The following FAM124B variants were observed in gnomAD, a reference collection of about 807,000 sequenced individuals.
The protein encoded by FAM124B is family with sequence similarity 124 member B, also known as protein FAM124B.
Under a neutral mutation model 19.7 loss-of-function variants are expected in FAM124B, and 18 were observed. The observed-to-expected ratio is 0.92, with a 90% CI of 0.63 to 1.36. The LOEUF (loss-of-function observed/expected upper bound fraction) is 1.36. FAM124B is among the 40% of genes most tolerant of loss of function. FAM124B has a pLI of 0.00. For synonymous variants in FAM124B, 223 were observed against 225.2 expected (o/e 0.99, Z 0.09); for missense variants, 540 against 553.3 (o/e 0.98, Z 0.24).
In FAM124B at chr2:224,401,672, C is replaced by A; in HGVS notation, c.97G>T (p.Asp33Tyr). 1 of 1,614,210 alleles carries A rather than the reference C, an allele frequency of 6.2e-7. No homozygotes were observed. Among genetic ancestry groups the A allele is most frequent in the Non-Finnish European group, 8.5e-7 (1 of 1,180,044 alleles). The change falls in exon 1 of 2, where the codon GAT becomes TAT. Residue 33 changes from aspartate to tyrosine, a missense_variant. By Grantham distance (160) the Asp-to-Tyr change is radical (BLOSUM62 -3). Transcript: ENST00000409685. ...LLQRTLDQLLDCICPEVRLFQ... is the reference protein window; with the variant it reads ...LLQRTLDQLLYCICPEVRLFQ... ...AGCCGGACCTCTGGGCAAATGCAAT[C>A]CAGGAGCTGGTCCAGAGTCCTCTGC...
intron 1 of FAM124B, among the ~76,000 whole-genome samples, chr2:224,389,734 T>C (rs1234842257): frequency 1.3e-5 from 2 of 152,084 alleles, no homozygotes; most frequent in African/African-American, 4.8e-5. Context: ...GGAAAGAGGC[T>C]AAAACCTCAA....
intron 1 of FAM124B, among the ~76,000 whole-genome samples, chr2:224,394,724 C>T (rs10170775): frequency 0.21 from 31,271 of 152,124 alleles, 3,345 homozygotes; most frequent in South Asian, 0.25. Context: ...CTCCTTTGAA[C>T]TCTCCAGCCC....
intron 1 of FAM124B, among the ~76,000 whole-genome samples, chr2:224,397,032 T>C (rs1186153975): frequency 2.0e-5 from 3 of 152,070 alleles, no homozygotes; most frequent in African/African-American, 7.3e-5. Flanking sequence ...GGATTTTCTT[T>C]TCTTTTCTTC....
Position 224,379,397 on chromosome 2 carries a change from A to G in FAM124B, c.*176T>C. On this transcript the variant is annotated 3_prime_UTR_variant, in exon 2 of 2. Transcript: ENST00000409685. ...CTTATGACTGTGACGGCAAATAAAC[A>G]ATCATTCCCAGCACCTTTAGACTTT... 1 of 926,258 alleles carries G rather than the reference A, an allele frequency of 1.1e-6. No individual in the cohort carries two copies. The highest frequency in any genetic ancestry group is 1.5e-6 in the Non-Finnish European group (1 of 652,276). 57.4% of individuals were successfully genotyped at this position (926,258 alleles called of 1,614,324 possible).
rs529852994 is a variant in FAM124B at position 224,401,949 on chromosome 2, C to G, written c.-181G>C. The stretch of plus-strand genomic sequence containing the variant: ...GTGCTCCTGGCCACCCGTGGACTTA[C>G]GGCAAGAGAAGCTCACACCAGCTCG... On this transcript the variant is annotated 5_prime_UTR_variant, in exon 1 of 2. Coordinates refer to ENST00000409685, the MANE Select transcript of FAM124B (RefSeq NM_001122779.2). 1 of 668,954 alleles carries G rather than the reference C, an allele frequency of 1.5e-6. No individual in the cohort carries two copies. Among genetic ancestry groups the G allele is most frequent in the East Asian group, 2.8e-5 (1 of 36,242 alleles). 41.4% of individuals were successfully genotyped at this position (668,954 alleles called of 1,614,324 possible).
chr2:224,392,797 C>T (rs1689909444), intron 1 of FAM124B, among the ~76,000 whole-genome samples: 1 of 146,694 alleles, frequency 6.8e-6, no homozygotes, highest in South Asian at 2.2e-4. Flanking sequence ...AAAGTTTTGT[C>T]ACCAACGAGG....
In FAM124B at chr2:224,383,270, T is replaced by C. The variant is rs183340296; in HGVS notation, c.733-3062A>G. On this transcript the variant is annotated intron_variant, in intron 1 of 1. Coordinates refer to ENST00000409685, the MANE Select transcript of FAM124B (RefSeq NM_001122779.2). ...CAGCGAAGTTTCGGAACTACTGCCA[T>C]GGACCCAGAAAAGCTAGGCTTCGAG... Among the ~76,000 whole-genome samples, 9 of 152,300 alleles carry C rather than the reference T, an allele frequency of 5.9e-5. No homozygotes were observed. In the East Asian group the frequency reaches 1.4e-3, roughly 23 times the overall value.
At chr2:224,396,868 C>T (rs1244309720) in intron 1 of FAM124B, among the ~76,000 whole-genome samples, 1 of 152,134 alleles carries the variant, frequency 6.6e-6, no homozygotes, top group Non-Finnish European at 1.5e-5. Context: ...AGCTGGCGAC[C>T]CTGGCGGATG....
At chr2:224,391,278 T>C (rs1318876551) in intron 1 of FAM124B, among the ~76,000 whole-genome samples, 2 of 149,022 alleles carry the variant, frequency 1.3e-5, no homozygotes, top group Non-Finnish European at 3.0e-5. Context: ...GAGGCGGAGG[T>C]TGCAATGAGC....
At chr2:224,395,863 A>G (rs947242446) in intron 1 of FAM124B, among the ~76,000 whole-genome samples, 1 of 152,214 alleles carries the variant, frequency 6.6e-6, no homozygotes, top group African/African-American at 2.4e-5. Flanking sequence ...TCACATGCAC[A>G]GATCACAATT....
At chr2:224,390,562 G>A (rs1317664549) in intron 1 of FAM124B, among the ~76,000 whole-genome samples, 1 of 151,906 alleles carries the variant, frequency 6.6e-6, no homozygotes, top group East Asian at 1.9e-4. Context: ...CAAACAAATG[G>A]GACAGCAAGG....
intron 1 of FAM124B, among the ~76,000 whole-genome samples, chr2:224,386,626 G>A (rs960646150): frequency 1.3e-5 from 2 of 152,094 alleles, no homozygotes; most frequent in African/African-American, 2.4e-5. Context: ...CTGAGTACTC[G>A]CCATGCCATT....
intron 1 of FAM124B, among the ~76,000 whole-genome samples, chr2:224,387,341 T>C (rs1188564691): frequency 2.0e-5 from 3 of 152,286 alleles, no homozygotes; most frequent in East Asian, 1.9e-4. Flanking sequence ...ATATACATCA[T>C]TGAAAAATGA....
At chr2:224,396,450 T>C (rs942299434) in intron 1 of FAM124B, among the ~76,000 whole-genome samples, 1 of 152,222 alleles carries the variant, frequency 6.6e-6, no homozygotes, top group African/African-American at 2.4e-5. Context: ...TCAGGTCTTC[T>C]GCACACACGC....
chr2:224,393,774 C>T (rs984980431), intron 1 of FAM124B, among the ~76,000 whole-genome samples: 3 of 152,182 alleles, frequency 2.0e-5, no homozygotes, highest in Middle Eastern at 3.2e-3. Flanking sequence ...ATTCTTCTGG[C>T]CTAGAATTCT....
chr2:224,400,930 G>C (rs1574578495), intron 1 of FAM124B, 107 bp downstream of exon 1: 2 of 1,398,610 alleles, frequency 1.4e-6, no homozygotes, highest in East Asian at 2.3e-5. Context: ...GACCCTAAGG[G>C]ACGCTAATAT....
intron 1 of FAM124B, among the ~76,000 whole-genome samples, chr2:224,396,666 A>G (rs1209395244): frequency 6.6e-6 from 1 of 152,254 alleles, no homozygotes; most frequent in Non-Finnish European, 1.5e-5. Context: ...ATCTAGGGGT[A>G]GAAGCCAGAG....
intron 1 of FAM124B, among the ~76,000 whole-genome samples, chr2:224,397,950 CTCTT>C (rs1385833542): frequency 6.6e-6 from 1 of 152,210 alleles, no homozygotes; most frequent in Non-Finnish European, 1.5e-5. Context: ...TGCACAAGCT[CTCTT>C]TGTCTGCCGC....
In FAM124B at chr2:224,401,475, G is replaced by T. The variant is rs776107943; in HGVS notation, c.294C>A (p.Pro98=). 11 of 1,614,008 alleles carry T rather than the reference G, an allele frequency of 6.8e-6. No individual in the cohort carries two copies. Among genetic ancestry groups the T allele is most frequent in the African/African-American group, 2.7e-5 (2 of 74,908 alleles). The stretch of plus-strand genomic sequence containing the variant: ...ACAGCCTTCCCCGAGTGTCCTGGGT[G>T]GGGTAGCACTGCCATGGCGAATGCT... ...SLQHSPWQCY[P]TQDTRGRLCP... Residue 98 remains proline (P), a synonymous_variant, in exon 1 of 2, where the codon CCC becomes CCA. Transcript: ENST00000409685.
Sources: allele counts gnomAD v4.1 joint callset (sites outside exome capture counted in the v4.1 genomes callset), GRCh38; gene constraint gnomAD v4.1.1; transcripts MANE v1.5; gene names NCBI Gene and HGNC (gene_info 2026-07-23, HGNC 2026-07-21).